Variants in SPIDR observed in about 807,000 individuals in gnomAD.
SPIDR encodes DNA repair-scaffolding protein.
SPIDR carries 93 observed loss-of-function variants against 104.6 expected under a neutral mutation model. The ratio of observed to expected loss-of-function variants is 0.89; its 90% CI spans 0.75 to 1.06. The LOEUF (loss-of-function observed/expected upper bound fraction) is 1.06, where lower values mean the gene tolerates loss of function less well. Ranked by LOEUF, SPIDR falls within the 50% of genes least tolerant of loss-of-function variation. SPIDR has a pLI of 0.00. For missense variants in SPIDR, 1,154 were observed against 1,111.2 expected (o/e 1.04, Z -0.55); for synonymous variants, 431 against 416.9 (o/e 1.03, Z -0.41).
chr8:47,353,700 A>T (rs538369501), intron 5 of SPIDR, among the ~76,000 whole-genome samples: 1 of 128,542 alleles, frequency 7.8e-6, no homozygotes, highest in Non-Finnish European at 1.6e-5. Context: ...ATTTAAATCT[A>T]TACTGAGATT....
At chr8:47,643,865 CTG>C (rs1409687851) in intron 10 of SPIDR, among the ~76,000 whole-genome samples, 1 of 152,180 alleles carries the variant, frequency 6.6e-6, no homozygotes, top group Non-Finnish European at 1.5e-5. Context: ...TTGATCATGA[CTG>C]TAGAATATTA....
chr8:47,343,121 A>T (rs1453660309), intron 5 of SPIDR, among the ~76,000 whole-genome samples: 2 of 152,190 alleles, frequency 1.3e-5, no homozygotes, highest in South Asian at 2.1e-4. Context: ...TTAAATACCC[A>T]ATAAAAATTC....
intron 8 of SPIDR, among the ~76,000 whole-genome samples, chr8:47,524,643 C>G (rs115921576): frequency 6.6e-6 from 1 of 152,144 alleles, no homozygotes; most frequent in Non-Finnish European, 1.5e-5. Flanking sequence ...CCAAAGTATG[C>G]GACTGTCCTG....
chr8:47,626,793 C>G (rs927475851), intron 10 of SPIDR, among the ~76,000 whole-genome samples: 4 of 152,136 alleles, frequency 2.6e-5, no homozygotes, highest in Admixed American at 6.5e-5. Context: ...GTTGGTGGGA[C>G]TGTAAACTAG....
At chr8:47,345,366 C>T (rs1554617148) in intron 5 of SPIDR, among the ~76,000 whole-genome samples, 1 of 152,126 alleles carries the variant, frequency 6.6e-6, no homozygotes, top group East Asian at 1.9e-4. Context: ...GTTACTGTAG[C>T]CTTGTAGTAT....
chr8:47,576,442 GA>G (rs2059141031), intron 8 of SPIDR, among the ~76,000 whole-genome samples: 1 of 137,726 alleles, frequency 7.3e-6, no homozygotes. Context: ...TGAGCCACTG[GA>G]CCCAGCCTGA....
At chr8:47,488,994 C>T (rs1237096453) in intron 8 of SPIDR, among the ~76,000 whole-genome samples, 1 of 152,160 alleles carries the variant, frequency 6.6e-6, no homozygotes, top group Non-Finnish European at 1.5e-5. Context: ...GTTGGAAGTT[C>T]TGGCCAGGGC....
At chr8:47,343,868 CG>C (rs1389624464) in intron 5 of SPIDR, among the ~76,000 whole-genome samples, 1 of 151,618 alleles carries the variant, frequency 6.6e-6, no homozygotes, top group Non-Finnish European at 1.5e-5. Flanking sequence ...AATTGTCCTT[CG>C]GGGGGGAAAA....
intron 5 of SPIDR, among the ~76,000 whole-genome samples, chr8:47,380,167 T>G (rs549725926): frequency 6.6e-6 from 1 of 152,198 alleles, no homozygotes; most frequent in Non-Finnish European, 1.5e-5. Flanking sequence ...TGAGTGTAGG[T>G]CTGAGTCGAT....
chr8:47,699,323 G>T (rs866458746), intron 11 of SPIDR, among the ~76,000 whole-genome samples: 7 of 152,226 alleles, frequency 4.6e-5, no homozygotes, highest in African/African-American at 1.7e-4. Flanking sequence ...TCCCAGAAGG[G>T]CTGACACAAG....
intron 8 of SPIDR, among the ~76,000 whole-genome samples, chr8:47,557,407 CAAG>C (rs1466108910): frequency 6.6e-6 from 1 of 152,162 alleles, no homozygotes; most frequent in African/African-American, 2.4e-5. Context: ...GAACTGATAA[CAAG>C]AAGGGCAGTT....
At chr8:47,605,947 C>G (rs985608162) in intron 10 of SPIDR, among the ~76,000 whole-genome samples, 1 of 152,152 alleles carries the variant, frequency 6.6e-6, no homozygotes, top group Non-Finnish European at 1.5e-5. Context: ...GCTGAGGAAG[C>G]TTGCTTGAAG....
chr8:47,531,258 A>G (rs1263381451), intron 8 of SPIDR, among the ~76,000 whole-genome samples: 1 of 152,090 alleles, frequency 6.6e-6, no homozygotes, highest in Non-Finnish European at 1.5e-5. Context: ...CTAGGCCTAC[A>G]TGGGGTCAGG....
chr8:47,559,675 G>C lies in SPIDR; in HGVS notation c.1098-36136G>C, dbSNP rs527767480. Among the ~76,000 whole-genome samples, 13 of 152,332 alleles carry C rather than the reference G, an allele frequency of 8.5e-5. No homozygotes were observed. In the South Asian group the frequency reaches 2.7e-3, roughly 32 times the overall value. The stretch of plus-strand genomic sequence containing the variant: ...AGAAGTGTCCCCTATGCCTGTTGGA[G>C]TGGGTTTAAAGATGAGAACAAGGGG... On this transcript the variant is annotated intron_variant, in intron 8 of 19. Coordinates refer to ENST00000297423, the MANE Select transcript of SPIDR (RefSeq NM_001080394.4).
intron 8 of SPIDR, among the ~76,000 whole-genome samples, chr8:47,447,765 A>G (rs1310926356): frequency 6.6e-6 from 1 of 152,192 alleles, no homozygotes; most frequent in Admixed American, 6.6e-5. Context: ...AGAAATTGCC[A>G]CAGCCACTCC....
At chr8:47,411,552 A>G (rs1404450962) in intron 7 of SPIDR, among the ~76,000 whole-genome samples, 2 of 152,128 alleles carry the variant, frequency 1.3e-5, no homozygotes, top group Admixed American at 1.3e-4. Flanking sequence ...GATTCTGGAT[A>G]TTAGCTTTGT....
In SPIDR at chr8:47,712,825, G is replaced by T; in HGVS notation, c.2141G>T (p.Gly714Val). The change falls in exon 15 of 20, where the codon GGG becomes GTG. Residue 714 changes from glycine to valine, a missense_variant. Coordinates refer to ENST00000297423, the MANE Select transcript of SPIDR (RefSeq NM_001080394.4). The stretch of plus-strand genomic sequence containing the variant: ...TCTGAAGTCCTGGAGGCACTCGCTG[G>T]GGCTGCCCCTCACAGCCTCTTCTTC... ...LGSEVLEALAGAAPHSLFFKD... is the reference protein window; with the variant it reads ...LGSEVLEALAVAAPHSLFFKD... 6.2e-7 allele frequency: 1 copy of T among 1,614,054 alleles called. No homozygotes were observed. Among genetic ancestry groups the T allele is most frequent in the Non-Finnish European group, 8.5e-7 (1 of 1,180,026 alleles).
chr8:47,425,974 G>A (rs2066343218), intron 7 of SPIDR, among the ~76,000 whole-genome samples: 1 of 152,078 alleles, frequency 6.6e-6, no homozygotes, highest in Non-Finnish European at 1.5e-5. Context: ...GCTGGGCACG[G>A]TGACTCACGC....
At chr8:47,726,492 TTC>T (rs1161601663) in intron 16 of SPIDR, among the ~76,000 whole-genome samples, 3 of 152,342 alleles carry the variant, frequency 2.0e-5, no homozygotes, top group East Asian at 3.9e-4. Flanking sequence ...TCTACAATGC[TTC>T]ACATCCAAGA....
Sources: allele counts gnomAD v4.1 joint callset (sites outside exome capture counted in the v4.1 genomes callset), GRCh38; gene constraint gnomAD v4.1.1; transcripts MANE v1.5; gene names NCBI Gene and HGNC (gene_info 2026-07-23, HGNC 2026-07-21).